Variants in ZRANB3 observed in about 807,000 individuals in gnomAD.
ZRANB3 encodes zinc finger RANBP2-type containing 3, also known as DNA annealing helicase and endonuclease ZRANB3.
ZRANB3 carries 125 observed loss-of-function variants against 133.8 expected under a neutral mutation model. The ratio of observed to expected loss-of-function variants is 0.93; its 90% CI spans 0.81 to 1.08. The LOEUF is 1.08. Ranked by LOEUF, ZRANB3 falls within the 50% of genes least tolerant of loss-of-function variation. The pLI is 0.00. For synonymous variants in ZRANB3, 387 were observed against 432.7 expected, an observed-to-expected ratio of 0.89 and a Z score of 1.31; for missense variants, 1,229 against 1,275.5, an observed-to-expected ratio of 0.96 and a Z score of 0.56.
chr2:135,286,351 CACA>C (rs1681364930), intron 8 of ZRANB3, among the ~76,000 whole-genome samples: 1 of 152,190 alleles, frequency 6.6e-6, no homozygotes, highest in Admixed American at 6.5e-5. Context: ...AATCTCGGCT[CACA>C]ACAACCTCCA....
rs1326141172 is a variant in ZRANB3 at position 135,342,173 on chromosome 2, C to A, written c.677+3377G>T. Reference sequence around the variant, plus strand: ...CCCCGGACACCCAGCTTTAAAATTTCTCTCTTTTGTACTCTTTCCCTTTAT... The same window carrying A: ...CCCCGGACACCCAGCTTTAAAATTTATCTCTTTTGTACTCTTTCCCTTTAT... On this transcript the variant is annotated intron_variant, in intron 6 of 20. Transcript: ENST00000264159. 2.5e-4 allele frequency among the ~76,000 whole-genome samples: 37 copies of A among 149,688 alleles called. 3 individuals are homozygous for A. The highest frequency in any genetic ancestry group is 9.5e-4 in the African/African-American group (37 of 39,066).
At chr2:135,284,115 G>C (rs1558885586) in intron 8 of ZRANB3, among the ~76,000 whole-genome samples, 1 of 152,216 alleles carries the variant, frequency 6.6e-6, no homozygotes, top group Non-Finnish European at 1.5e-5. Context: ...GTCTGGGTTT[G>C]AATCCTAGCT....
intron 12 of ZRANB3, among the ~76,000 whole-genome samples, chr2:135,233,322 G>A (rs1695121823): frequency 6.6e-6 from 1 of 152,218 alleles, no homozygotes; most frequent in African/African-American, 2.4e-5. Flanking sequence ...TCTGATTGGT[G>A]TACCTGAAAC....
At chr2:135,509,839 T>C (rs1284496869) in intron 1 of ZRANB3, among the ~76,000 whole-genome samples, 2 of 152,166 alleles carry the variant, frequency 1.3e-5, no homozygotes, top group Admixed American at 1.3e-4. Context: ...TTTTTAAACA[T>C]ACCAGCAAGA....
intron 2 of ZRANB3, among the ~76,000 whole-genome samples, chr2:135,442,065 A>T (rs1689804932): frequency 6.6e-6 from 1 of 152,220 alleles, no homozygotes; most frequent in Admixed American, 6.5e-5. Context: ...TAAAGACTTA[A>T]ATATAAGACC....
intron 6 of ZRANB3, among the ~76,000 whole-genome samples, chr2:135,340,168 C>G (rs148329313): frequency 6.7e-6 from 1 of 149,472 alleles, no homozygotes; most frequent in African/African-American, 2.5e-5. Flanking sequence ...GGCAATGGCG[C>G]GATCTCGGCT....
intron 8 of ZRANB3, among the ~76,000 whole-genome samples, chr2:135,277,922 CAAAAAAAAAACAA>C (rs1343663101): frequency 9.3e-5 from 6 of 64,548 alleles, no homozygotes; most frequent in East Asian, 4.3e-4. Context: ...GACTCTGTCT[CAAAAAAAAAACAA>C]AAAAAAAAAA....
At chr2:135,405,504 G>A (rs1021627259) in intron 2 of ZRANB3, among the ~76,000 whole-genome samples, 1 of 152,022 alleles carries the variant, frequency 6.6e-6, no homozygotes, top group East Asian at 1.9e-4. Context: ...CATCCCAAAT[G>A]AACAAAATAT....
At chr2:135,333,191 A>AT (rs924906944) in intron 6 of ZRANB3, among the ~76,000 whole-genome samples, 3 of 152,042 alleles carry the variant, frequency 2.0e-5, no homozygotes, top group Admixed American at 1.3e-4. Flanking sequence ...TTAACCCTCT[A>AT]TTTTTCCATT....
chr2:135,399,354 C>A (rs1687638965), intron 2 of ZRANB3, among the ~76,000 whole-genome samples: 1 of 152,166 alleles, frequency 6.6e-6, no homozygotes, highest in Non-Finnish European at 1.5e-5. Context: ...AGTGTACATT[C>A]AATGGGTGGC....
At chr2:135,485,701 A>G (rs567873276) in intron 2 of ZRANB3, among the ~76,000 whole-genome samples, 3 of 152,358 alleles carry the variant, frequency 2.0e-5, no homozygotes, top group African/African-American at 7.2e-5. Context: ...AAGGTGAGTC[A>G]CACAGACTTG....
intron 14 of ZRANB3, among the ~76,000 whole-genome samples, chr2:135,225,973 T>C (rs1694746359): frequency 6.6e-6 from 1 of 152,314 alleles, no homozygotes; most frequent in Middle Eastern, 3.4e-3. Flanking sequence ...CAGGAGAAAT[T>C]GCCAAATCCC....
At chr2:135,326,150 T>C (rs1412665975) in intron 6 of ZRANB3, among the ~76,000 whole-genome samples, 2 of 152,220 alleles carry the variant, frequency 1.3e-5, no homozygotes, top group Non-Finnish European at 2.9e-5. Flanking sequence ...AAATTATGTA[T>C]TCACAAAACA....
chr2:135,327,354 C>T (rs546706829), intron 6 of ZRANB3, among the ~76,000 whole-genome samples: 2 of 152,040 alleles, frequency 1.3e-5, no homozygotes, highest in African/African-American at 2.4e-5. Context: ...ATTTTATGTG[C>T]TTATAAGACA....
rs1284788167 is a variant in ZRANB3, at chr2:135,353,572, T to C, written c.237A>G (p.Glu79=). Residue 79 remains glutamate (E), a synonymous_variant, in exon 4 of 21, where the codon GAA becomes GAG. Coordinates refer to ENST00000264159, the MANE Select transcript of ZRANB3 (RefSeq NM_032143.4). ...AAGGGACCACTATTAACAGAGGCCA[T>C]TCCTCTTTATAGAAGTAAGTAATTC... ...AIGITYFYKE[E]WPLLIVVPSS... The C allele has an allele frequency of 3.7e-6, 6 of 1,605,896 alleles. No individual in the cohort carries two copies. The highest frequency in any genetic ancestry group is 5.1e-6 in the Non-Finnish European group (6 of 1,175,238).
Position 135,350,223 on chromosome 2 carries a change from A to G in ZRANB3, c.360-8T>C. ...TTACTGGTCGACATTCTCCTAGAAA[A>G]GAAAATCCATGTACTTAAAAAATAT... On this transcript the variant is annotated splice_polypyrimidine_tract_variant and splice_region_variant and intron_variant, in intron 4 of 20. Transcript: ENST00000264159. The G allele has an allele frequency of 6.4e-7, 1 of 1,561,954 alleles. No homozygotes were observed. Among genetic ancestry groups the G allele is most frequent in the Non-Finnish European group, 8.7e-7 (1 of 1,150,758 alleles).
intron 2 of ZRANB3, among the ~76,000 whole-genome samples, chr2:135,453,716 C>G (rs1690374587): frequency 6.6e-6 from 1 of 152,170 alleles, no homozygotes; most frequent in African/African-American, 2.4e-5. Flanking sequence ...TCTTATTGTT[C>G]ATATAACTAT....
chr2:135,315,291 G>T, intron 7 of ZRANB3, 68 bp downstream of exon 7: 1 of 1,276,726 alleles, frequency 7.8e-7, no homozygotes, highest in Non-Finnish European at 1.0e-6. Flanking sequence ...TATGAAATAC[G>T]TATAATCTTT....
At chr2:135,211,311 C>T (rs765224450) in intron 17 of ZRANB3, among the ~76,000 whole-genome samples, 13 of 151,996 alleles carry the variant, frequency 8.6e-5, no homozygotes, top group Admixed American at 2.0e-4. Context: ...GAGGCCAAGG[C>T]GGGTGGATCA....
Sources: allele counts gnomAD v4.1 joint callset (sites outside exome capture counted in the v4.1 genomes callset), GRCh38; gene constraint gnomAD v4.1.1; transcripts MANE v1.5; gene names NCBI Gene and HGNC (gene_info 2026-07-23, HGNC 2026-07-21).